Variants in ELMO1 observed in about 807,000 individuals in gnomAD.
ELMO1 encodes engulfment and cell motility 1.
In ELMO1, 26 loss-of-function variants were observed where a neutral mutation model predicts 98.9. That is an observed-to-expected ratio of 0.26 (90% CI 0.19 to 0.36). The LOEUF is 0.36. Among genes scored for constraint, ELMO1 ranks in the 10% least tolerant of loss-of-function variants. ELMO1 has a pLI of 1.00. For missense variants in ELMO1, 627 were observed against 935.2 expected (o/e 0.67, Z 4.30); for synonymous variants, 346 against 346.0 (o/e 1.00, Z 0.00).
chr7:37,246,811 G>T (rs900658099), intron 6 of ELMO1, among the ~76,000 whole-genome samples: 6 of 151,290 alleles, frequency 4.0e-5, no homozygotes, highest in African/African-American at 9.7e-5. Context: ...TAGATAGATA[G>T]ATATCTATCT....
intron 18 of ELMO1, among the ~76,000 whole-genome samples, chr7:36,886,800 G>C (rs1039936675): frequency 6.6e-6 from 1 of 152,186 alleles, no homozygotes; most frequent in South Asian, 2.1e-4. Context: ...ACATCCATTT[G>C]AATTTGACAT....
chr7:37,368,538 A>G (rs1801989921), intron 1 of ELMO1, among the ~76,000 whole-genome samples: 1 of 152,156 alleles, frequency 6.6e-6, no homozygotes, highest in Non-Finnish European at 1.5e-5. Flanking sequence ...TCTTTCCCAA[A>G]GAACCGGGAG....
intron 1 of ELMO1, chr7:37,353,192 C>T (rs1218044875): frequency 6.6e-6 from 1 of 152,212 alleles, no homozygotes; most frequent in African/African-American, 2.4e-5. Context: ...TCATAAATGG[C>T]TTGCCATTTC....
rs557149114 is a variant in ELMO1, at chr7:37,387,011, A to G, written c.-73-44248T>C. The stretch of plus-strand genomic sequence containing the variant: ...TTCCTGCTCCCCAGATGACTCTAAT[A>G]TATAGCAAGAGTAAGAAACCTCTGT... On this transcript the variant is annotated intron_variant, in intron 1 of 21. Transcript: ENST00000310758. Among the ~76,000 whole-genome samples, 10 of 152,338 alleles carry G rather than the reference A, an allele frequency of 6.6e-5. No homozygotes were observed. In the South Asian group the frequency reaches 1.7e-3, roughly 25 times the overall value.
At chr7:37,375,710 C>T in intron 1 of ELMO1, 1 of 1,254,016 alleles carries the variant, frequency 8.0e-7, no homozygotes, top group African/African-American at 1.5e-5. Context: ...GAACAGTTTG[C>T]CTGGAGACAC....
At position 36,892,833 on chromosome 7, in the gene ELMO1, T is replaced by C. The variant is rs528352141; in HGVS notation, c.1601+2021A>G. Reference sequence around the variant, plus strand: ...TGTGACTTTGCTGCAGCTACAGATATCAAGAACTCCAGTGGGCCATGGTAC... The same window carrying C: ...TGTGACTTTGCTGCAGCTACAGATACCAAGAACTCCAGTGGGCCATGGTAC... On this transcript the variant is annotated intron_variant, in intron 17 of 21. Coordinates refer to ENST00000310758, the MANE Select transcript of ELMO1 (RefSeq NM_014800.11). Among the ~76,000 whole-genome samples, 8 of 152,242 alleles carry C rather than the reference T, an allele frequency of 5.3e-5. No individual in the cohort carries two copies. The South Asian group carries it at 1.7e-3, about 32-fold the overall frequency.
At position 37,417,400 on chromosome 7, in the gene ELMO1, G is replaced by A. The variant is rs193193126; in HGVS notation, c.-74+31275C>T. Reference sequence around the variant, plus strand: ...AAATTGGCCAGGCGCGGTGTCTTACGCCTGTAATCCCAGCACTTTCGGAGG... The same window carrying A: ...AAATTGGCCAGGCGCGGTGTCTTACACCTGTAATCCCAGCACTTTCGGAGG... On this transcript the variant is annotated intron_variant, in intron 1 of 21. Coordinates refer to ENST00000310758, the MANE Select transcript of ELMO1 (RefSeq NM_014800.11). 4.9e-3 allele frequency among the ~76,000 whole-genome samples: 739 copies of A among 152,242 alleles called. 8 individuals carry two copies. Among genetic ancestry groups the A allele is most frequent in the African/African-American group, 0.017 (697 of 41,522 alleles).
chr7:37,305,445 A>AGTGTGTGTGTGTGTGT lies in ELMO1; in HGVS notation c.192+9389_192+9404dup, dbSNP rs147003634. ...GGTCAATATCCAGCACAGTACAGAT[A>AGTGTGTGTGTGTGTGT]GTGTGTGTGTGTGTGTGTGTGTGTA... On this transcript the variant is annotated intron_variant, in intron 4 of 21. Coordinates refer to ENST00000310758, the MANE Select transcript of ELMO1 (RefSeq NM_014800.11). Among the ~76,000 whole-genome samples, 4 of 122,912 alleles carry AGTGTGTGTGTGTGTGT rather than the reference A, an allele frequency of 3.3e-5. No individual in the cohort carries two copies. In the South Asian group the frequency reaches 7.2e-4, roughly 22 times the overall value. The allele number at this position is 122,912 out of a possible 152,430, so 80.6% of individuals were successfully genotyped here. A position where few individuals can be genotyped will look rare whatever the true frequency, so the allele number is the denominator to read the frequency against.
chr7:37,342,017 A>G lies in ELMO1; in HGVS notation c.78+596T>C, dbSNP rs1460327799. ...TGCCTTTATGGGTCAAGCCACTTTT[A>G]TAAGTCTTCTTGATATTTTTTAATT... On this transcript the variant is annotated intron_variant, in intron 2 of 21. Coordinates refer to ENST00000310758, the MANE Select transcript of ELMO1 (RefSeq NM_014800.11). The surrounding 1 kb of genome is among the most constrained non-coding windows in gnomAD (Gnocchi z 4.3). Among the ~76,000 whole-genome samples, 3 of 152,200 alleles carry G rather than the reference A, an allele frequency of 2.0e-5. No homozygotes were observed. The highest frequency in any genetic ancestry group is 4.1e-4 in the South Asian group (2 of 4,830).
intron 14 of ELMO1, among the ~76,000 whole-genome samples, chr7:37,098,743 A>G (rs1028732862): frequency 1.4e-4 from 22 of 152,216 alleles, no homozygotes; most frequent in Non-Finnish European, 2.9e-5. Flanking sequence ...AAGTTCCATT[A>G]ATCAGTGAAT....
At chr7:37,129,250 G>C (rs981479743) in intron 14 of ELMO1, among the ~76,000 whole-genome samples, 4 of 134,192 alleles carry the variant, frequency 3.0e-5, no homozygotes, top group African/African-American at 1.5e-4. Context: ...GAAGCACTCG[G>C]AACTCTTTAG....
chr7:37,163,191 A>C (rs567957063), intron 13 of ELMO1, among the ~76,000 whole-genome samples: 2 of 152,280 alleles, frequency 1.3e-5, no homozygotes, highest in Admixed American at 6.5e-5. Context: ...GTCATCCTTA[A>C]ATCAGACCTC....
At chr7:36,876,712 G>A (rs954635583) in intron 19 of ELMO1, among the ~76,000 whole-genome samples, 1 of 152,162 alleles carries the variant, frequency 6.6e-6, no homozygotes, top group African/African-American at 2.4e-5. Flanking sequence ...GTGGGGTGGG[G>A]AAGGCTGGAA....
At chr7:36,890,922 T>C (rs1262538709) in intron 17 of ELMO1, among the ~76,000 whole-genome samples, 1 of 152,200 alleles carries the variant, frequency 6.6e-6, no homozygotes, top group Non-Finnish European at 1.5e-5. Flanking sequence ...TGGCCTCCTC[T>C]TTATTCACTA....
chr7:37,069,687 G>A (rs535389803), intron 15 of ELMO1, among the ~76,000 whole-genome samples: 16 of 152,268 alleles, frequency 1.1e-4, no homozygotes, highest in East Asian at 1.9e-4. Context: ...AAATGGAACC[G>A]ATCTCCGATT....
intron 8 of ELMO1, 37 bp from the exon 9 acceptor site, chr7:37,225,067 G>C: frequency 6.2e-7 from 1 of 1,613,006 alleles, no homozygotes. Context: ...ACTGCTCGTG[G>C]TAAGTAGAGC....
intron 2 of ELMO1, among the ~76,000 whole-genome samples, chr7:37,326,082 G>A (rs1799785784): frequency 1.3e-5 from 2 of 152,162 alleles, no homozygotes; most frequent in Non-Finnish European, 2.9e-5. Context: ...AATCTGAAAG[G>A]TAACGACAAA....
At chr7:37,226,376 G>A (rs1793874468) in intron 8 of ELMO1, among the ~76,000 whole-genome samples, 2 of 152,168 alleles carry the variant, frequency 1.3e-5, no homozygotes, top group Non-Finnish European at 2.9e-5. Context: ...CTCGCAGTCT[G>A]CTCCAATCCA....
intron 13 of ELMO1, among the ~76,000 whole-genome samples, chr7:37,138,008 A>G (rs1240757030): frequency 1.3e-5 from 2 of 152,192 alleles, no homozygotes; most frequent in Non-Finnish European, 2.9e-5. Context: ...ATCAAGATGG[A>G]AATTAAAAAA....
Sources: allele counts gnomAD v4.1 joint callset (sites outside exome capture counted in the v4.1 genomes callset), GRCh38; gene constraint gnomAD v4.1.1; non-coding constraint Gnocchi (gnomAD v3.1); transcripts MANE v1.5; gene names NCBI Gene and HGNC (gene_info 2026-07-23, HGNC 2026-07-21).